The following WAPL variants were observed in gnomAD, a reference collection of about 807,000 sequenced individuals.
The protein encoded by WAPL is wings apart-like protein homolog.
In WAPL, 5 loss-of-function variants were observed where a neutral mutation model predicts 121.0. The observed-to-expected ratio is 0.04, with a 90% CI of 0.02 to 0.09. The LOEUF (loss-of-function observed/expected upper bound fraction) is 0.09. Among genes scored for constraint, WAPL ranks in the 10% least tolerant of loss-of-function variants. The pLI is 1.00. For synonymous variants in WAPL, 480 were observed against 481.5 expected, an observed-to-expected ratio of 1.00 and a Z score of 0.04; for missense variants, 999 against 1,410.8, an observed-to-expected ratio of 0.71 and a Z score of 4.68.
At chr10:86,509,856 C>A (rs1023782852) in intron 2 of WAPL, among the ~76,000 whole-genome samples, 1 of 151,630 alleles carries the variant, frequency 6.6e-6, no homozygotes, top group Admixed American at 6.6e-5. Context: ...CCTCCACCTC[C>A]CGGGTTCAAG....
chr10:86,502,885 C>A (rs1227043702), intron 2 of WAPL, among the ~76,000 whole-genome samples: 1 of 152,214 alleles, frequency 6.6e-6, no homozygotes, highest in Non-Finnish European at 1.5e-5. Context: ...CTAGGCCAGG[C>A]GTGGTGGCTC....
At chr10:86,437,640 C>T (rs932676207) in intron 18 of WAPL, 32 bp from the exon 19 acceptor site, 1 of 1,604,530 alleles carries the variant, frequency 6.2e-7, no homozygotes, top group African/African-American at 1.3e-5. Flanking sequence ...AAGGAAGTAA[C>T]AGTTAATATT....
chr10:86,469,702 T>C (rs1841491163), intron 8 of WAPL, among the ~76,000 whole-genome samples: 1 of 152,156 alleles, frequency 6.6e-6, no homozygotes, highest in Non-Finnish European at 1.5e-5. Context: ...CACAACCATC[T>C]AAAGATTTAA....
chr10:86,515,719 T>C (rs560975855), intron 2 of WAPL, among the ~76,000 whole-genome samples: 1 of 150,952 alleles, frequency 6.6e-6, no homozygotes, highest in South Asian at 2.1e-4. Context: ...GAAGCGGAGG[T>C]TGCAGTGAGG....
chr10:86,446,994 A>G (rs1190656855), intron 15 of WAPL, among the ~76,000 whole-genome samples: 3 of 152,330 alleles, frequency 2.0e-5, no homozygotes, highest in Admixed American at 2.0e-4. Context: ...GAAAATAAAA[A>G]TTAAACTTTA....
At chr10:86,452,193 T>C in intron 14 of WAPL, 62 bp from the exon 15 acceptor site, 1 of 1,491,136 alleles carries the variant, frequency 6.7e-7, no homozygotes. Flanking sequence ...ATGAACACAA[T>C]ATACACAATT....
chr10:86,469,893 T>C (rs1841497090), intron 8 of WAPL, among the ~76,000 whole-genome samples: 1 of 152,160 alleles, frequency 6.6e-6, no homozygotes, highest in Non-Finnish European at 1.5e-5. Context: ...ACGAATTCTC[T>C]TTTTTGTTTG....
intron 2 of WAPL, among the ~76,000 whole-genome samples, chr10:86,507,420 G>GTTACCCTC (rs974920602): frequency 2.0e-5 from 3 of 147,744 alleles, no homozygotes; most frequent in Non-Finnish European, 4.5e-5. Context: ...GCTTGTGCTA[G>GTTACCCTC]TTACCCTCTA....
intron 4 of WAPL, among the ~76,000 whole-genome samples, chr10:86,482,975 T>A (rs1465426477): frequency 6.6e-6 from 1 of 152,232 alleles, no homozygotes. Context: ...TTTGGTCAAT[T>A]ACAAACTGCA....
intron 9 of WAPL, among the ~76,000 whole-genome samples, chr10:86,465,396 G>T (rs1841375636): frequency 6.6e-6 from 1 of 152,124 alleles, no homozygotes; most frequent in African/African-American, 2.4e-5. Flanking sequence ...AGTGGAGATG[G>T]GGTTTCACCA....
At chr10:86,439,753 G>GT (rs1439811222) in intron 17 of WAPL, among the ~76,000 whole-genome samples, 1 of 152,216 alleles carries the variant, frequency 6.6e-6, no homozygotes, top group Admixed American at 6.5e-5. Context: ...GTGCTCTGAA[G>GT]TAAGTTAGCT....
rs374553447 is a variant in WAPL, at chr10:86,484,796, C to T, written c.1645-10823G>A. Among the ~76,000 whole-genome samples the T allele has an allele frequency of 5.3e-5, 8 of 152,240 alleles. No homozygotes were observed. In the East Asian group the frequency reaches 5.8e-4, roughly 11 times the overall value. The stretch of plus-strand genomic sequence containing the variant: ...TTACAACTGCCTACAATATTCAGTA[C>T]GGCAACATATCAGAAGCAACAGGCT... On this transcript the variant is annotated intron_variant, in intron 4 of 18. Transcript: ENST00000298767.
intron 4 of WAPL, among the ~76,000 whole-genome samples, chr10:86,486,909 T>C (rs1161390613): frequency 1.3e-5 from 2 of 152,032 alleles, no homozygotes; most frequent in Non-Finnish European, 2.9e-5. Context: ...TGAGACATGA[T>C]CACACCATTG....
chr10:86,518,667 T>G (rs971087712), intron 1 of WAPL, among the ~76,000 whole-genome samples: 6 of 152,208 alleles, frequency 3.9e-5, no homozygotes, highest in Non-Finnish European at 8.8e-5. Flanking sequence ...AATGATAACC[T>G]GTATAGGGTA....
chr10:86,507,365 C>CTAAA (rs529744859), intron 2 of WAPL, among the ~76,000 whole-genome samples: 1 of 77,700 alleles, frequency 1.3e-5, no homozygotes, highest in African/African-American at 5.4e-5. Flanking sequence ...GACTCTGTCT[C>CTAAA]AAAAAAAAAA....
intron 4 of WAPL, among the ~76,000 whole-genome samples, chr10:86,493,526 C>CATTT (rs546756010): frequency 2.1e-3 from 316 of 151,988 alleles, no homozygotes; most frequent in African/African-American, 6.8e-3. Flanking sequence ...TTCAAATTTT[C>CATTT]ATTTATTTAT....
At chr10:86,460,756 C>T (rs556564053) in intron 10 of WAPL, among the ~76,000 whole-genome samples, 3 of 152,014 alleles carry the variant, frequency 2.0e-5, no homozygotes, top group African/African-American at 7.2e-5. Context: ...TCTTGTTGCC[C>T]AGGCTGGAGT....
chr10:86,483,769 C>CAAA (rs140276448), intron 4 of WAPL, among the ~76,000 whole-genome samples: 4,360 of 107,110 alleles, frequency 0.041, 106 homozygotes, highest in African/African-American at 0.053. Flanking sequence ...AAGTTTTTAA[C>CAAA]AAAAAAAAAA....
At chr10:86,458,815 T>C (rs1202125078) in intron 12 of WAPL, among the ~76,000 whole-genome samples, 174 bp downstream of exon 12, 1 of 152,224 alleles carries the variant, frequency 6.6e-6, no homozygotes, top group African/African-American at 2.4e-5. Context: ...CACTGTCATT[T>C]TGTGTCCAAA....
Sources: gnomAD v4.1 joint callset for allele counts (sites outside exome capture counted in the v4.1 genomes callset) on GRCh38, gnomAD v4.1.1 for gene constraint, MANE v1.5 for transcripts, NCBI Gene and HGNC (gene_info 2026-07-23, HGNC 2026-07-21) for gene names.